MTUS2: variants seen among roughly 807,000 people sequenced by gnomAD.
MTUS2 encodes microtubule-associated tumor suppressor candidate 2.
A neutral mutation model predicts 114.1 loss-of-function variants in MTUS2; 40 were observed. The ratio of observed to expected loss-of-function variants is 0.35; its 90% CI spans 0.27 to 0.46. The LOEUF is 0.46. Ranked by LOEUF, MTUS2 falls within the 20% of genes least tolerant of loss-of-function variation. The pLI is 1.00. For synonymous variants in MTUS2, 688 were observed against 672.0 expected, an observed-to-expected ratio of 1.02 and a Z score of -0.37; for missense variants, 1,679 against 1,705.4, an observed-to-expected ratio of 0.98 and a Z score of 0.27.
intron 8 of MTUS2, among the ~76,000 whole-genome samples, chr13:29,366,778 G>A (rs1870757172): frequency 6.6e-6 from 1 of 152,134 alleles, no homozygotes; most frequent in Non-Finnish European, 1.5e-5. Flanking sequence ...GAGAGAGATA[G>A]CCCTCCAGTA....
intron 4 of MTUS2, among the ~76,000 whole-genome samples, chr13:29,059,987 C>A (rs1431276954): frequency 1.3e-5 from 2 of 152,182 alleles, no homozygotes; most frequent in East Asian, 3.9e-4. Flanking sequence ...CTGCCTGGCT[C>A]CCAGTGGCAG....
At chr13:29,249,687 T>C (rs1897056325) in intron 5 of MTUS2, among the ~76,000 whole-genome samples, 1 of 152,208 alleles carries the variant, frequency 6.6e-6, no homozygotes, top group South Asian at 2.1e-4. Flanking sequence ...TTAAGTTCTT[T>C]GTAAATTCAG....
At chr13:28,843,007 T>A (rs2137995084) in intron 2 of MTUS2, among the ~76,000 whole-genome samples, 1 of 152,340 alleles carries the variant, frequency 6.6e-6, no homozygotes, top group African/African-American at 2.4e-5. Flanking sequence ...CTGTTGCCAC[T>A]AGGCTTTCCA....
At chr13:28,912,350 A>G (rs1162992605) in intron 2 of MTUS2, among the ~76,000 whole-genome samples, 2 of 152,062 alleles carry the variant, frequency 1.3e-5, no homozygotes, top group Non-Finnish European at 2.9e-5. Context: ...TGAGTTCTCT[A>G]TTCTGTTCCA....
At chr13:29,265,876 C>T (rs1001454332) in intron 5 of MTUS2, among the ~76,000 whole-genome samples, 1 of 152,210 alleles carries the variant, frequency 6.6e-6, no homozygotes, top group African/African-American at 2.4e-5. Flanking sequence ...TACATTTCAA[C>T]ATGAGATTTG....
chr13:29,354,045 C>G (rs1341636788), intron 7 of MTUS2, among the ~76,000 whole-genome samples: 1 of 152,186 alleles, frequency 6.6e-6, no homozygotes, highest in African/African-American at 2.4e-5. Context: ...CCTAGATCCA[C>G]TTTCTCAACT....
chr13:28,933,145 A>T (rs1049523655), intron 2 of MTUS2, among the ~76,000 whole-genome samples: 3 of 150,696 alleles, frequency 2.0e-5, no homozygotes, highest in African/African-American at 7.4e-5. Context: ...ACACACACAC[A>T]CACACACACA....
intron 5 of MTUS2, among the ~76,000 whole-genome samples, chr13:29,230,069 A>G (rs961402574): frequency 1.3e-5 from 2 of 152,036 alleles, no homozygotes; most frequent in African/African-American, 2.4e-5. Flanking sequence ...ACACAGTGAA[A>G]CCCTGTCTCT....
chr13:29,265,549 T>C (rs12859066), intron 5 of MTUS2, among the ~76,000 whole-genome samples: 1,990 of 152,284 alleles, frequency 0.013, 28 homozygotes, highest in East Asian at 0.081. Context: ...GAAGAAATAC[T>C]GGAGACTGGG....
intron 5 of MTUS2, among the ~76,000 whole-genome samples, chr13:29,271,262 T>G (rs1474775509): frequency 1.3e-5 from 2 of 152,206 alleles, no homozygotes; most frequent in Non-Finnish European, 2.9e-5. Context: ...CTGCAACAGC[T>G]TCTGAGTGAA....
At chr13:29,244,983 T>TAAAAAAAAAAAA (rs1156962360) in intron 5 of MTUS2, among the ~76,000 whole-genome samples, 12 of 98,580 alleles carry the variant, frequency 1.2e-4, no homozygotes, top group South Asian at 3.8e-4. Flanking sequence ...AAAAAAAAAG[T>TAAAAAAAAAAAA]AAAAGTCTGT....
chr13:29,202,754 A>G (rs916728815), intron 5 of MTUS2, among the ~76,000 whole-genome samples: 26 of 152,180 alleles, frequency 1.7e-4, no homozygotes, highest in Admixed American at 1.6e-3. Context: ...TCCTTCTAAC[A>G]GTCAGGCCCC....
At chr13:28,861,378 A>T (rs890587796) in intron 2 of MTUS2, among the ~76,000 whole-genome samples, 3 of 151,298 alleles carry the variant, frequency 2.0e-5, no homozygotes, top group African/African-American at 7.3e-5. Context: ...TGGCATGGGT[A>T]CAGTTCTGTC....
At chr13:28,976,592 G>T (rs1227491936) in intron 2 of MTUS2, among the ~76,000 whole-genome samples, 1 of 152,044 alleles carries the variant, frequency 6.6e-6, no homozygotes, top group African/African-American at 2.4e-5. Flanking sequence ...GGGATGAGGA[G>T]CTACAGAATA....
At position 29,231,026 on chromosome 13, in the gene MTUS2, G is replaced by GAT. The variant is rs1451852187; in HGVS notation, c.2645-50678_2645-50677insAT. On this transcript the variant is annotated intron_variant, in intron 5 of 15. Coordinates refer to ENST00000612955, the MANE Select transcript of MTUS2 (RefSeq NM_001033602.4). ...TTTATATAGCATAGCCAAATACCATGTTGTACATCTGATCCATCCAGCCAA... is the reference window on the plus strand; with the variant it reads ...TTTATATAGCATAGCCAAATACCATGATTTGTACATCTGATCCATCCAGCCAA... Among the ~76,000 whole-genome samples the GAT allele has an allele frequency of 1.4e-4, 21 of 152,220 alleles. No homozygotes were observed. The East Asian group carries it at 3.9e-3, about 28-fold the overall frequency.
intron 2 of MTUS2, among the ~76,000 whole-genome samples, chr13:28,935,068 G>A (rs1281843161): frequency 9.2e-6 from 1 of 108,846 alleles, no homozygotes; most frequent in Non-Finnish European, 1.7e-5. Flanking sequence ...TGTAATCATT[G>A]ATCAGGTGCA....
intron 2 of MTUS2, among the ~76,000 whole-genome samples, chr13:28,894,288 GGGA>G (rs1879107666): frequency 9.6e-5 from 2 of 20,920 alleles, no homozygotes; most frequent in African/African-American, 5.8e-4. Context: ...GTGGGGGGGG[GGGA>G]GAGAGAGAGA....
chr13:28,946,277 G>A lies in MTUS2; in HGVS notation c.-242-78180G>A, dbSNP rs1196266457. Among the ~76,000 whole-genome samples, 5 of 9,538 alleles carry A rather than the reference G, an allele frequency of 5.2e-4. No homozygotes were observed. In the East Asian group the frequency reaches 0.028, roughly 53 times the overall value. The allele number at this position is 9,538 out of a possible 152,430, so 6.3% of individuals were successfully genotyped here. ...GGTATCTCTCTTTCTGTCTGCGTGT[G>A]TGTGTGTGTGTGTGTGTGTGTGTGT... On this transcript the variant is annotated intron_variant, in intron 2 of 15. Coordinates refer to ENST00000612955, the MANE Select transcript of MTUS2 (RefSeq NM_001033602.4).
chr13:29,022,766 C>T (rs1886347125), intron 2 of MTUS2, among the ~76,000 whole-genome samples: 1 of 152,336 alleles, frequency 6.6e-6, no homozygotes. Flanking sequence ...GTGGATGAAA[C>T]AATGTCAACC....
Sources: gnomAD v4.1 joint callset for allele counts (sites outside exome capture counted in the v4.1 genomes callset) on GRCh38, gnomAD v4.1.1 for gene constraint, MANE v1.5 for transcripts, NCBI Gene and HGNC (gene_info 2026-07-23, HGNC 2026-07-21) for gene names.